The following STK38L variants were observed in gnomAD, a reference collection of about 807,000 sequenced individuals.
STK38L encodes the protein serine/threonine-protein kinase 38-like.
A neutral mutation model predicts 59.7 loss-of-function variants in STK38L; 28 were observed. The ratio of observed to expected loss-of-function variants is 0.47; its 90% CI spans 0.35 to 0.64. The LOEUF (loss-of-function observed/expected upper bound fraction) is 0.64. Ranked by LOEUF, STK38L falls within the 30% of genes least tolerant of loss-of-function variation. The pLI is 0.01. For synonymous variants in STK38L, 162 were observed against 176.8 expected (o/e 0.92, Z 0.66); for missense variants, 314 against 555.8 (o/e 0.56, Z 4.37).
At chr12:27,276,958 ATGTATAACCT>A (rs1943549915) in intron 1 of STK38L, among the ~76,000 whole-genome samples, 1 of 152,226 alleles carries the variant, frequency 6.6e-6, no homozygotes, top group African/African-American at 2.4e-5. Context: ...GTTTTAAAGC[ATGTATAACCT>A]TACATTGAAT....
In STK38L at chr12:27,311,597, T is replaced by C. The variant is rs75651564; in HGVS notation, c.394-952T>C. ...ATAAATTATCCAGTTTATAAAATTT[T>C]CCAGTCTATAACATTTTCACATGAT... On this transcript the variant is annotated intron_variant, in intron 5 of 13. Transcript: ENST00000389032. Among the ~76,000 whole-genome samples the C allele has an allele frequency of 9.3e-4, 142 of 152,286 alleles. 1 individual carries two copies. The highest frequency in any genetic ancestry group is 3.2e-3 in the African/African-American group (133 of 41,564).
chr12:27,287,633 T>C (rs1943803249), intron 1 of STK38L, among the ~76,000 whole-genome samples: 1 of 152,156 alleles, frequency 6.6e-6, no homozygotes, highest in South Asian at 2.1e-4. Flanking sequence ...TGAAGTTTAA[T>C]TTTTTTTAAC....
intron 1 of STK38L, among the ~76,000 whole-genome samples, chr12:27,254,318 C>G (rs1943040072): frequency 6.6e-6 from 1 of 152,196 alleles, no homozygotes; most frequent in Non-Finnish European, 1.5e-5. Context: ...CCTCTCTACT[C>G]TAAGCCTTAT....
intron 9 of STK38L, among the ~76,000 whole-genome samples, chr12:27,316,829 T>C (rs564039319): frequency 1.2e-4 from 19 of 152,348 alleles, no homozygotes; most frequent in African/African-American, 4.6e-4. Context: ...CATCTTCATA[T>C]CAACTCTATT....
At chr12:27,274,411 T>C (rs1003525551) in intron 1 of STK38L, among the ~76,000 whole-genome samples, 5 of 152,178 alleles carry the variant, frequency 3.3e-5, no homozygotes, top group African/African-American at 9.6e-5. Flanking sequence ...ATTGCTGATA[T>C]GGTTTTCAAA....
chr12:27,246,286 G>C (rs1392521909), intron 1 of STK38L, among the ~76,000 whole-genome samples: 1 of 151,958 alleles, frequency 6.6e-6, no homozygotes, highest in Non-Finnish European at 1.5e-5. Context: ...ACGCACCTTA[G>C]AAAGTGCCTC....
chr12:27,303,454 C>G (rs1944230035), intron 3 of STK38L, among the ~76,000 whole-genome samples: 1 of 152,136 alleles, frequency 6.6e-6, no homozygotes, highest in Non-Finnish European at 1.5e-5. Context: ...GTTCCTGTCC[C>G]CATGGGAGCC....
At position 27,297,786 on chromosome 12, in the gene STK38L, T is replaced by C. The variant is rs1251737827; in HGVS notation, c.66T>C (p.Thr22=). Residue 22 remains threonine (T), a synonymous_variant, in exon 2 of 14, where the codon ACT becomes ACC. Transcript: ENST00000389032. ...PMSNHTRERV[T]VAKLTLENFY... is the part of the protein sequence containing the mutation. ...GCAACCATACCCGGGAAAGAGTGACTGTAGCCAAGCTCACATTGGAGAATT... is the reference window on the plus strand; with the variant it reads ...GCAACCATACCCGGGAAAGAGTGACCGTAGCCAAGCTCACATTGGAGAATT... The C allele has an allele frequency of 6.8e-6, 11 of 1,614,110 alleles. No homozygotes were observed. Among genetic ancestry groups the C allele is most frequent in the Non-Finnish European group, 9.3e-6 (11 of 1,180,002 alleles).
chr12:27,272,740 A>G (rs2136619166), intron 1 of STK38L, among the ~76,000 whole-genome samples: 1 of 152,294 alleles, frequency 6.6e-6, no homozygotes, highest in East Asian at 1.9e-4. Context: ...TGTTTCTTTC[A>G]AAACCTCTTT....
At chr12:27,248,600 G>C (rs1231233993) in intron 1 of STK38L, among the ~76,000 whole-genome samples, 1 of 152,150 alleles carries the variant, frequency 6.6e-6, no homozygotes, top group Admixed American at 6.5e-5. Context: ...AGACTCTTCA[G>C]CTTCTTTGTC....
At chr12:27,306,338 A>T (rs1353216033) in intron 3 of STK38L, among the ~76,000 whole-genome samples, 1 of 149,864 alleles carries the variant, frequency 6.7e-6, no homozygotes, top group East Asian at 2.0e-4. Context: ...CAAAATTCTT[A>T]TTCTTTTATG....
chr12:27,298,948 A>T (rs1944097544), intron 2 of STK38L, among the ~76,000 whole-genome samples: 1 of 152,200 alleles, frequency 6.6e-6, no homozygotes, highest in African/African-American at 2.4e-5. Context: ...TCTAGAAAGG[A>T]ACTTTAGTTG....
rs981886996 is a variant in STK38L at position 27,308,940 on chromosome 12, A to C, written c.310-174A>C. Reference sequence around the variant, plus strand: ...TATTAATATATATAAAATATATATAAATATATATATAACATATATAAAAAT... The same window carrying C: ...TATTAATATATATAAAATATATATACATATATATATAACATATATAAAAAT... On this transcript the variant is annotated intron_variant, in intron 4 of 13. Transcript: ENST00000389032. This position sits in a 1 kb window ranked among gnomAD's most constrained non-coding sequence, Gnocchi z 4.5. Among the ~76,000 whole-genome samples, 1 of 144,762 alleles carries C rather than the reference A, an allele frequency of 6.9e-6. No individual in the cohort carries two copies. Among genetic ancestry groups the C allele is most frequent in the Admixed American group, 7.0e-5 (1 of 14,338 alleles). The allele number at this position is 144,762 out of a possible 152,430, so 95.0% of individuals were successfully genotyped here.
Position 27,308,473 on chromosome 12 carries a change from T to C in STK38L, c.309+12T>C. The C allele has an allele frequency of 2.6e-6, 4 of 1,555,422 alleles. No individual in the cohort carries two copies. The highest frequency in any genetic ancestry group is 2.4e-5 in the South Asian group (2 of 83,232). On this transcript the variant is annotated intron_variant, in intron 4 of 13. Transcript: ENST00000389032. This position sits in a 1 kb window ranked among gnomAD's most constrained non-coding sequence, Gnocchi z 4.5. ...GAGCTTTTGGAGAGGTGTGCTTCTT[T>C]TTAAAAGTCACTACTGCTGCAAATA...
chr12:27,283,199 A>C (rs903495234), intron 1 of STK38L, among the ~76,000 whole-genome samples: 1 of 152,190 alleles, frequency 6.6e-6, no homozygotes, highest in African/African-American at 2.4e-5. Flanking sequence ...ACAATAGCTT[A>C]TTTGTATTAA....
chr12:27,249,873 T>G (rs1375354315), intron 1 of STK38L, among the ~76,000 whole-genome samples: 1 of 152,198 alleles, frequency 6.6e-6, no homozygotes, highest in Non-Finnish European at 1.5e-5. Context: ...CCTCTTTGAG[T>G]TATTTACTAT....
At chr12:27,263,627 C>G (rs1943246801) in intron 1 of STK38L, among the ~76,000 whole-genome samples, 1 of 152,186 alleles carries the variant, frequency 6.6e-6, no homozygotes, top group African/African-American at 2.4e-5. Context: ...GGAGCTTTGA[C>G]TTGCCCAAAT....
chr12:27,267,353 G>A (rs1199739699), intron 1 of STK38L, among the ~76,000 whole-genome samples: 3 of 152,122 alleles, frequency 2.0e-5, no homozygotes, highest in Non-Finnish European at 2.9e-5. Context: ...AGGCAGAAGT[G>A]GGAAGATAGT....
In STK38L at chr12:27,315,448, A is replaced by G. The variant is rs528205242; in HGVS notation, c.837+98A>G. ...TTTATCTTTATAATAATTAGTATTT[A>G]CTTCATAACAATGGTAGCGCTTGCT... On this transcript the variant is annotated intron_variant, in intron 9 of 13. Transcript: ENST00000389032. The G allele has an allele frequency of 2.6e-4, 240 of 930,498 alleles. 3 individuals are homozygous for G. The African/African-American group carries it at 3.7e-3, about 14-fold the overall frequency. The allele number at this position is 930,498 out of a possible 1,614,324, so 57.6% of individuals were successfully genotyped here.
Sources: allele counts gnomAD v4.1 joint callset (sites outside exome capture counted in the v4.1 genomes callset), GRCh38; gene constraint gnomAD v4.1.1; non-coding constraint Gnocchi (gnomAD v3.1); transcripts MANE v1.5; gene names NCBI Gene and HGNC (gene_info 2026-07-23, HGNC 2026-07-21).